Variants in CHRM2 observed in about 807,000 individuals in gnomAD.
The protein encoded by CHRM2 is muscarinic acetylcholine receptor M2.
CHRM2 carries 8 observed loss-of-function variants against 25.0 expected under a neutral mutation model. That is an observed-to-expected ratio of 0.32 (90% confidence interval 0.19 to 0.58). The LOEUF is 0.58. Among genes scored for constraint, CHRM2 ranks in the 20% least tolerant of loss-of-function variants. The pLI is 0.88. For missense variants in CHRM2, 440 were observed against 567.1 expected (o/e 0.78, Z 2.28); for synonymous variants, 202 against 205.7 (o/e 0.98, Z 0.15).
intron 2 of CHRM2, among the ~76,000 whole-genome samples, chr7:136,932,544 T>G (rs4629799): frequency 1.4e-4 from 21 of 152,080 alleles, no homozygotes; most frequent in Non-Finnish European, 2.8e-4. Context: ...TTCTCAACAA[T>G]TGTGCCACAA....
chr7:136,966,539 A>G (rs1801426919), intron 2 of CHRM2, among the ~76,000 whole-genome samples: 1 of 151,944 alleles, frequency 6.6e-6, no homozygotes, highest in Non-Finnish European at 1.5e-5. Flanking sequence ...AAAGTCACAC[A>G]GTATTTTGCC....
intron 2 of CHRM2, among the ~76,000 whole-genome samples, chr7:136,908,720 G>A (rs781338271): frequency 1.3e-4 from 20 of 151,830 alleles, no homozygotes; most frequent in South Asian, 4.2e-4. Context: ...AATTTCTGAC[G>A]GAATTAATTT....
intron 2 of CHRM2, among the ~76,000 whole-genome samples, chr7:136,944,990 C>A (rs886751362): frequency 6.6e-6 from 1 of 152,050 alleles, no homozygotes; most frequent in Admixed American, 6.6e-5. Context: ...TTGCACTTCC[C>A]TGATAATTAG....
chr7:136,941,846 G>C (rs1799791572), intron 2 of CHRM2, among the ~76,000 whole-genome samples: 1 of 152,162 alleles, frequency 6.6e-6, no homozygotes, highest in African/African-American at 2.4e-5. Flanking sequence ...ATGGTTGATA[G>C]TTTAGAGGGA....
intron 2 of CHRM2, among the ~76,000 whole-genome samples, chr7:136,906,000 C>T (rs551490179): frequency 6.7e-6 from 1 of 149,908 alleles, no homozygotes; most frequent in African/African-American, 2.4e-5. Context: ...ATTTTCAGAT[C>T]TTTGGTAATA....
At chr7:136,909,967 A>G (rs1797753274) in intron 2 of CHRM2, among the ~76,000 whole-genome samples, 1 of 151,690 alleles carries the variant, frequency 6.6e-6, no homozygotes, top group Non-Finnish European at 1.5e-5. Flanking sequence ...CCATGATAAA[A>G]CTGTACATAC....
At chr7:136,943,699 C>A (rs1799901174) in intron 2 of CHRM2, among the ~76,000 whole-genome samples, 1 of 47,476 alleles carries the variant, frequency 2.1e-5, no homozygotes, top group African/African-American at 1.1e-4. Flanking sequence ...GGAACAGGAA[C>A]TCACAAGTTT....
rs1299847149 is a variant in CHRM2 at position 136,930,897 on chromosome 7, TC to T, written c.-124-61289del. 8.2e-4 allele frequency among the ~76,000 whole-genome samples: 28 copies of T among 33,968 alleles called. 1 individual carries two copies. The highest frequency in any genetic ancestry group is 1.4e-3 in the Non-Finnish European group (27 of 18,776). The allele number at this position is 33,968 out of a possible 152,430, so 22.3% of individuals were successfully genotyped here. A position where few individuals can be genotyped will look rare whatever the true frequency, so the allele number is the denominator to read the frequency against. On this transcript the variant is annotated intron_variant, in intron 2 of 3. Transcript: ENST00000680005. ...GGGCTACAGAGCCAGACTCATTCTC[TC>T]AAAAAAAAAAAAAAAAAAAAAAAAA...
intron 2 of CHRM2, among the ~76,000 whole-genome samples, chr7:136,972,064 G>A (rs1801812055): frequency 6.6e-6 from 1 of 151,700 alleles, no homozygotes; most frequent in Non-Finnish European, 1.5e-5. Context: ...CTGATATTTG[G>A]ACATTACGTA....
intron 2 of CHRM2, among the ~76,000 whole-genome samples, chr7:136,913,111 A>G (rs998308798): frequency 6.6e-6 from 1 of 151,970 alleles, no homozygotes; most frequent in African/African-American, 2.4e-5. Flanking sequence ...CTGCATTTAT[A>G]ATACATTAAG....
At position 136,919,159 on chromosome 7, in the gene CHRM2, C is replaced by T. The variant is rs553304031; in HGVS notation, c.-125+49741C>T. Among the ~76,000 whole-genome samples, 145 of 152,096 alleles carry T rather than the reference C, an allele frequency of 9.5e-4. 1 individual carries two copies. The highest frequency in any genetic ancestry group is 3.4e-3 in the Middle Eastern group (1 of 294). On this transcript the variant is annotated intron_variant, in intron 2 of 3. Coordinates refer to ENST00000680005, the MANE Select transcript of CHRM2 (RefSeq NM_001006630.2). Reference sequence around the variant, plus strand: ...CTTGTTCTTGGTTCAAGACACTGTACGAAGACAATCATTTGTCTGGCATTA... The same window carrying T: ...CTTGTTCTTGGTTCAAGACACTGTATGAAGACAATCATTTGTCTGGCATTA...
intron 2 of CHRM2, among the ~76,000 whole-genome samples, chr7:136,962,904 A>G (rs950089994): frequency 6.6e-6 from 1 of 152,246 alleles, no homozygotes; most frequent in African/African-American, 2.4e-5. Flanking sequence ...ACACTGTAGT[A>G]GGAATTATGG....
rs1805237694 is a variant in CHRM2, at chr7:137,017,215, A to G, written c.*949A>G. On this transcript the variant is annotated 3_prime_UTR_variant, in exon 4 of 4. Transcript: ENST00000680005. ...GTCACTGTAAAGTTGAGGTTTCATC[A>G]AATTAAATAATGGACTATCTAGTTG... 1 of 152,002 alleles carries G rather than the reference A, an allele frequency of 6.6e-6. No individual in the cohort carries two copies. Among genetic ancestry groups the G allele is most frequent in the Non-Finnish European group, 1.5e-5 (1 of 67,944 alleles). The allele number at this position is 152,002 out of a possible 1,614,324, so 9.4% of individuals were successfully genotyped here.
intron 3 of CHRM2, among the ~76,000 whole-genome samples, chr7:137,001,851 C>A (rs1429880403): frequency 6.6e-6 from 1 of 152,122 alleles, no homozygotes; most frequent in Non-Finnish European, 1.5e-5. Context: ...AAAGTTAATT[C>A]TTTTATCCTA....
intron 2 of CHRM2, among the ~76,000 whole-genome samples, chr7:136,963,346 AAC>A (rs2130902127): frequency 6.6e-6 from 1 of 152,314 alleles, no homozygotes; most frequent in Admixed American, 6.5e-5. Flanking sequence ...GCAGTGGAGA[AAC>A]AGAGTTAAAG....
chr7:136,956,993 C>T (rs1165239045), intron 2 of CHRM2, among the ~76,000 whole-genome samples: 6 of 152,208 alleles, frequency 3.9e-5, no homozygotes, highest in African/African-American at 4.8e-5. Flanking sequence ...AGAAAGCTGG[C>T]GGGACTCCCC....
intron 2 of CHRM2, among the ~76,000 whole-genome samples, chr7:136,979,103 C>T (rs1347603852): frequency 6.6e-6 from 1 of 152,200 alleles, no homozygotes; most frequent in Non-Finnish European, 1.5e-5. Flanking sequence ...CACATCCTCT[C>T]CAGCATCTGT....
At position 137,003,473 on chromosome 7, in the gene CHRM2, TACACACACACACACACACACACACAC is replaced by T. The variant is rs57626583; in HGVS notation, c.-47+11248_-47+11273del. Among the ~76,000 whole-genome samples the T allele has an allele frequency of 8.2e-3, 1,116 of 136,854 alleles. 23 individuals are homozygous for T. The highest frequency in any genetic ancestry group is 8.2e-3 in the Non-Finnish European group (516 of 63,206). The allele number at this position is 136,854 out of a possible 152,430, so 89.8% of individuals were successfully genotyped here. Reference sequence around the variant, plus strand: ...TGATGTATGCATATGCATGCATGCATACACACACACACACACACACACACACACACACACACACACACACACACACA... The same window carrying T: ...TGATGTATGCATATGCATGCATGCATACACACACACACACACACACACACA... On this transcript the variant is annotated intron_variant, in intron 3 of 3. Coordinates refer to ENST00000680005, the MANE Select transcript of CHRM2 (RefSeq NM_001006630.2).
At chr7:136,977,986 T>C (rs1221468473) in intron 2 of CHRM2, among the ~76,000 whole-genome samples, 1 of 152,150 alleles carries the variant, frequency 6.6e-6, no homozygotes, top group Admixed American at 6.6e-5. Flanking sequence ...CCGTACCATT[T>C]ACTGCATAGA....
Sources: gnomAD v4.1 joint callset for allele counts (sites outside exome capture counted in the v4.1 genomes callset) on GRCh38, gnomAD v4.1.1 for gene constraint, MANE v1.5 for transcripts, NCBI Gene and HGNC (gene_info 2026-07-23, HGNC 2026-07-21) for gene names.